The following SHISA5 variants were observed in gnomAD, a reference collection of about 807,000 sequenced individuals.
SHISA5 encodes protein shisa-5.
A neutral mutation model predicts 27.5 loss-of-function variants in SHISA5; 21 were observed. The observed-to-expected ratio is 0.76, with a 90% CI of 0.54 to 1.10. SHISA5 has a LOEUF of 1.10. Among genes scored for constraint, SHISA5 ranks in the 50% least tolerant of loss-of-function variants. The pLI, the probability that SHISA5 is intolerant of heterozygous loss-of-function variation, is 0.00. For synonymous variants in SHISA5, 137 were observed against 142.2 expected (o/e 0.96, Z 0.26); for missense variants, 314 against 336.3 (o/e 0.93, Z 0.52).
At position 48,470,937 on chromosome 3, in the gene SHISA5, G is replaced by GAA. The variant is rs200616469; in HGVS notation, c.315-1096_315-1095dup. On this transcript the variant is annotated intron_variant, in intron 3 of 5. Transcript: ENST00000296444. This position sits in a 1 kb window ranked among gnomAD's most constrained non-coding sequence, Gnocchi z 4.3. ...GCAAAACTCTGTCTCAAAAATGAAA[G>GAA]AAAAAAAAAAAAACCTGACTTCCAA... is the stretch of plus-strand genomic sequence containing the variant. Among the ~76,000 whole-genome samples the GAA allele has an allele frequency of 7.4e-6, 1 of 135,406 alleles. No individual in the cohort carries two copies. Among genetic ancestry groups the GAA allele is most frequent in the African/African-American group, 2.7e-5 (1 of 37,422 alleles). 88.8% of individuals were successfully genotyped at this position (135,406 alleles called of 152,430 possible).
intron 3 of SHISA5, among the ~76,000 whole-genome samples, chr3:48,478,856 C>T (rs775684391): frequency 1.1e-4 from 17 of 152,096 alleles, no homozygotes; most frequent in Non-Finnish European, 2.2e-4. Context: ...ACAGCCCCTT[C>T]TCTGTCACTC....
Position 48,468,957 on chromosome 3 carries a change from A to G in SHISA5, c.*150T>C, listed in dbSNP as rs1282303054. 1 of 1,577,414 alleles carries G rather than the reference A, an allele frequency of 6.3e-7. No individual in the cohort carries two copies. Among genetic ancestry groups the G allele is most frequent in the Non-Finnish European group, 8.5e-7 (1 of 1,169,638 alleles). ...TTGTCAGCATCAGAGGAAGCCACATATACAGGCAGGACACACACAGCACAC... is the reference window on the plus strand; with the variant it reads ...TTGTCAGCATCAGAGGAAGCCACATGTACAGGCAGGACACACACAGCACAC... On this transcript the variant is annotated 3_prime_UTR_variant, in exon 6 of 6. Coordinates refer to ENST00000296444, the MANE Select transcript of SHISA5 (RefSeq NM_016479.6).
intron 2 of SHISA5, among the ~76,000 whole-genome samples, chr3:48,493,523 C>CTTTTT (rs1195281041): frequency 2.0e-5 from 1 of 50,422 alleles, no homozygotes. Flanking sequence ...ATGATCTATT[C>CTTTTT]TTTTTTTTTT....
chr3:48,499,549 G>A (rs944179049), intron 2 of SHISA5, among the ~76,000 whole-genome samples: 3 of 150,530 alleles, frequency 2.0e-5, no homozygotes, highest in East Asian at 2.0e-4. Flanking sequence ...GCGTGGTGGC[G>A]GGCGCCTGTA....
chr3:48,469,789 AGT>A lies in SHISA5; in HGVS notation c.367_368del (p.Thr123TyrfsTer197), dbSNP rs746542218. On this transcript the variant is annotated frameshift_variant, in exon 4 of 6. Coordinates refer to ENST00000296444, the MANE Select transcript of SHISA5 (RefSeq NM_016479.6). LOFTEE classifies it high-confidence loss of function. This position sits in a 1 kb window ranked among gnomAD's most constrained non-coding sequence, Gnocchi z 4.6. ...GLTIFVLSVVTIIICFTCSCC... is the reference protein window; with the variant it reads ...GLTIFVLSVVXIIICFTCSCC... ...AGGAGCAGGTGAAGCAGATGATGAT[AGT>A]GACGACAGACAGCACAAAGATGGTC... The A allele has an allele frequency of 6.2e-7, 1 of 1,614,120 alleles. No individual in the cohort carries two copies. The highest frequency in any genetic ancestry group is 1.3e-5 in the African/African-American group (1 of 75,036).
chr3:48,494,570 A>C (rs2041500729), intron 2 of SHISA5, among the ~76,000 whole-genome samples: 1 of 147,802 alleles, frequency 6.8e-6, no homozygotes, highest in Admixed American at 6.6e-5. Flanking sequence ...CTGGGATTAC[A>C]GGCGTGAGCC....
At chr3:48,477,173 C>A in intron 3 of SHISA5, 2 of 414,612 alleles carry the variant, frequency 4.8e-6, no homozygotes, top group South Asian at 1.8e-5. Flanking sequence ...TTTGTTGTTG[C>A]AACCTCTGCC....
chr3:48,499,431 C>G (rs1219857474), intron 2 of SHISA5, among the ~76,000 whole-genome samples: 2 of 152,058 alleles, frequency 1.3e-5, no homozygotes, highest in Admixed American at 1.3e-4. Flanking sequence ...GTTATCCCAG[C>G]ACTTTGGCAG....
chr3:48,493,825 A>T (rs2041488981), intron 2 of SHISA5, among the ~76,000 whole-genome samples: 1 of 147,104 alleles, frequency 6.8e-6, no homozygotes, highest in Admixed American at 6.7e-5. Context: ...CAGCCACTGC[A>T]CCCATCCGAT....
In SHISA5 at chr3:48,504,086, C is replaced by A; in HGVS notation, c.9G>T (p.Ala3=). Residue 3 remains alanine, a synonymous_variant, in exon 1 of 6, where the codon GCG becomes GCT. Coordinates refer to ENST00000296444, the MANE Select transcript of SHISA5 (RefSeq NM_016479.6). This position sits in a 1 kb window ranked among gnomAD's most constrained non-coding sequence, Gnocchi z 4.0. ...ACAGGATCCGCGGCGCGGGGACCGG[C>A]GCAGTCATGGCTGGGCGGGCGGACG... MT[A]PVPAPRILLP... The A allele has an allele frequency of 7.3e-7, 1 of 1,375,914 alleles. No individual in the cohort carries two copies. The highest frequency in any genetic ancestry group is 9.5e-7 in the Non-Finnish European group (1 of 1,054,058). The allele number at this position is 1,375,914 out of a possible 1,614,324, so 85.2% of individuals were successfully genotyped here. A position where few individuals can be genotyped will look rare whatever the true frequency, so the allele number is the denominator to read the frequency against.
intron 3 of SHISA5, among the ~76,000 whole-genome samples, chr3:48,478,757 GCAC>G (rs889475298): frequency 2.0e-5 from 3 of 152,048 alleles, no homozygotes; most frequent in African/African-American, 7.3e-5. Flanking sequence ...GTGCTTGCCA[GCAC>G]CACCATCACC....
At chr3:48,499,236 C>G (rs538821183) in intron 2 of SHISA5, among the ~76,000 whole-genome samples, 2,183 of 152,134 alleles carry the variant, frequency 0.014, 58 homozygotes, top group African/African-American at 0.049. Flanking sequence ...TGCAGTGGCA[C>G]CAATCACGAC....
At position 48,473,111 on chromosome 3, in the gene SHISA5, G is replaced by C. The variant is rs1176906883; in HGVS notation, c.315-3268C>G. 1 of 1,480,392 alleles carries C rather than the reference G, an allele frequency of 6.8e-7. No individual in the cohort carries two copies. Among genetic ancestry groups the C allele is most frequent in the Non-Finnish European group, 8.9e-7 (1 of 1,121,232 alleles). The allele number at this position is 1,480,392 out of a possible 1,614,324, so 91.7% of individuals were successfully genotyped here. A position where few individuals can be genotyped will look rare whatever the true frequency, so the allele number is the denominator to read the frequency against. On this transcript the variant is annotated intron_variant, in intron 3 of 5. Coordinates refer to ENST00000296444, the MANE Select transcript of SHISA5 (RefSeq NM_016479.6). This position sits in a 1 kb window ranked among gnomAD's most constrained non-coding sequence, Gnocchi z 4.3. ...AGTTTCAATTTCCTCCCCTTTTGGA[G>C]AAAAAGAAAGCAAATCTCCTCCAGA...
chr3:48,498,798 G>A (rs2041656876), intron 2 of SHISA5, among the ~76,000 whole-genome samples: 1 of 151,482 alleles, frequency 6.6e-6, no homozygotes, highest in South Asian at 2.1e-4. Context: ...AAAGGATAAT[G>A]CATACGGGCG....
intron 2 of SHISA5, among the ~76,000 whole-genome samples, chr3:48,481,764 G>C (rs535397356): frequency 6.6e-6 from 1 of 150,994 alleles, no homozygotes; most frequent in Non-Finnish European, 1.5e-5. Flanking sequence ...TCCAGCCTGG[G>C]TGAAAAGAGC....
At position 48,473,129 on chromosome 3, in the gene SHISA5, C is replaced by T; in HGVS notation, c.315-3286G>A. The T allele has an allele frequency of 6.8e-7, 1 of 1,469,708 alleles. No individual in the cohort carries two copies. The highest frequency in any genetic ancestry group is 9.0e-7 in the Non-Finnish European group (1 of 1,113,998). 91.0% of individuals were successfully genotyped at this position (1,469,708 alleles called of 1,614,324 possible). A position where few individuals can be genotyped will look rare whatever the true frequency, so the allele number is the denominator to read the frequency against. On this transcript the variant is annotated intron_variant, in intron 3 of 5. Coordinates refer to ENST00000296444, the MANE Select transcript of SHISA5 (RefSeq NM_016479.6). This position sits in a 1 kb window ranked among gnomAD's most constrained non-coding sequence, Gnocchi z 4.3. ...TTTTGGAGAAAAAGAAAGCAAATCT[C>T]CTCCAGATGACGTCAGCCACAGGAA...
Position 48,484,134 on chromosome 3 carries a change from G to C in SHISA5, c.234-4877C>G, listed in dbSNP as rs551656788. Among the ~76,000 whole-genome samples, 5 of 152,312 alleles carry C rather than the reference G, an allele frequency of 3.3e-5. No individual in the cohort carries two copies. The East Asian group carries it at 9.6e-4, about 29-fold the overall frequency. On this transcript the variant is annotated intron_variant, in intron 2 of 5. Coordinates refer to ENST00000296444, the MANE Select transcript of SHISA5 (RefSeq NM_016479.6). ...AATGGTGTCAGAGTATTGGTAACGGGAAGTGGGTGATGGATGCATTGAGTT... is the reference window on the plus strand; with the variant it reads ...AATGGTGTCAGAGTATTGGTAACGGCAAGTGGGTGATGGATGCATTGAGTT...
chr3:48,476,626 G>A (rs1302585480), intron 3 of SHISA5, among the ~76,000 whole-genome samples: 2 of 152,220 alleles, frequency 1.3e-5, no homozygotes, highest in Non-Finnish European at 2.9e-5. Context: ...TTGGGACCCA[G>A]ACAGGCAGCC....
intron 2 of SHISA5, among the ~76,000 whole-genome samples, chr3:48,483,544 C>G (rs1342812574): frequency 6.6e-6 from 1 of 152,198 alleles, no homozygotes; most frequent in African/African-American, 2.4e-5. Flanking sequence ...CACCTTTCCC[C>G]CTTTTCTATC....
Sources: gnomAD v4.1 joint callset for allele counts (sites outside exome capture counted in the v4.1 genomes callset) on GRCh38, gnomAD v4.1.1 for gene constraint, Gnocchi (gnomAD v3.1) non-coding constraint, MANE v1.5 for transcripts, NCBI Gene and HGNC (gene_info 2026-07-23, HGNC 2026-07-21) for gene names.